Variants in SQLE observed in about 807,000 individuals in gnomAD.
The protein encoded by SQLE is squalene epoxidase.
SQLE carries 29 observed loss-of-function variants against 60.7 expected under a neutral mutation model. The ratio of observed to expected loss-of-function variants is 0.48; its 90% CI spans 0.36 to 0.65. SQLE has a LOEUF of 0.65. Ranked by LOEUF, SQLE falls within the 30% of genes least tolerant of loss-of-function variation. The pLI, the probability that SQLE is intolerant of heterozygous loss-of-function variation, is 0.00. For missense variants in SQLE, 605 were observed against 684.1 expected (o/e 0.88, Z 1.29); for synonymous variants, 237 against 246.8 (o/e 0.96, Z 0.37).
chr8:124,999,809 A>C, intron 1 of SQLE, 115 bp downstream of exon 1: 13 of 1,240,314 alleles, frequency 1.0e-5, no homozygotes, highest in Non-Finnish European at 1.4e-5. Context: ...GCTTGTATAC[A>C]TTCTCATGTA....
chr8:125,003,174 A>T lies in SQLE; in HGVS notation c.292-2A>T. The T allele has an allele frequency of 6.3e-7, 1 of 1,578,984 alleles. No homozygotes were observed. Among genetic ancestry groups the T allele is most frequent in the Admixed American group, 2.0e-5 (1 of 51,018 alleles). On this transcript the variant is annotated splice_acceptor_variant, in intron 1 of 10. Coordinates refer to ENST00000265896, the MANE Select transcript of SQLE (RefSeq NM_003129.4). LOFTEE classifies it high-confidence loss of function. ...CTAGTTTACCTTTTTTTTTTTAAAC[A>T]GCGCAGAAAAGGAACCAATATTTCA...
intron 2 of SQLE, among the ~76,000 whole-genome samples, chr8:125,004,540 T>C (rs1039005596): frequency 2.1e-5 from 3 of 145,418 alleles, no homozygotes; most frequent in African/African-American, 8.5e-5. Flanking sequence ...ATTTTGATGG[T>C]GTCCTGTTGT....
chr8:124,998,518 C>T lies in SQLE; in HGVS notation c.-886C>T, dbSNP rs893599292. The T allele has an allele frequency of 4.6e-6, 3 of 657,084 alleles. No homozygotes were observed. Among genetic ancestry groups the T allele is most frequent in the East Asian group, 6.2e-5 (2 of 32,300 alleles). The allele number at this position is 657,084 out of a possible 1,614,324, so 40.7% of individuals were successfully genotyped here. ...GCCCAGCTGGCTGAGACGCGTGGAG[C>T]CTGGCGGCGAGTGGGGGCGTGCGAC... On this transcript the variant is annotated 5_prime_UTR_variant, in exon 1 of 11. Coordinates refer to ENST00000265896, the MANE Select transcript of SQLE (RefSeq NM_003129.4).
chr8:125,003,469 A>AC, intron 2 of SQLE, 41 bp downstream of exon 2: 1 of 1,599,880 alleles, frequency 6.3e-7, no homozygotes. Flanking sequence ...CGTGGTATGA[A>AC]CAAGCACTCT....
In SQLE at chr8:125,005,544, T is replaced by A; in HGVS notation, c.564T>A (p.Asp188Glu). Residue 188 changes from aspartate to glutamate, a missense_variant, in exon 3 of 11, where the codon GAT becomes GAA. By Grantham distance (45) the Asp-to-Glu change is conservative. Transcript: ENST00000265896. ...TTGCAGATACAGTGGAAGGTCTTGATGCCCAGGTTGTAAATGGTTACATGA... is the reference window on the plus strand; with the variant it reads ...TTGCAGATACAGTGGAAGGTCTTGAAGCCCAGGTTGTAAATGGTTACATGA... ...LGLGDTVEGL[D>E]AQVVNGYMIH... 6.2e-7 allele frequency: 1 copy of A among 1,603,004 alleles called. No individual in the cohort carries two copies. The highest frequency in any genetic ancestry group is 1.3e-5 in the African/African-American group (1 of 74,790).
chr8:124,999,657 CT>C lies in SQLE; in HGVS notation c.255del (p.Glu86AsnfsTer24), dbSNP rs776886200. The C allele has an allele frequency of 3.1e-6, 5 of 1,608,140 alleles. No homozygotes were observed. Among genetic ancestry groups the C allele is most frequent in the Admixed American group, 1.7e-5 (1 of 58,906 alleles). On this transcript the variant is annotated frameshift_variant, in exon 1 of 11. Coordinates refer to ENST00000265896, the MANE Select transcript of SQLE (RefSeq NM_003129.4). LOFTEE classifies it high-confidence loss of function. ...FIGFFWAKSP[P>X]ESENKEQLEA... Reference sequence around the variant, plus strand: ...GGCTTCTTCTGGGCCAAATCCCCCCCTGAATCAGAAAATAAGGAGCAGCTCG... The same window carrying C: ...GGCTTCTTCTGGGCCAAATCCCCCCCGAATCAGAAAATAAGGAGCAGCTCG...
At chr8:125,013,845 C>G (rs1036220030) in intron 7 of SQLE, among the ~76,000 whole-genome samples, 1 of 152,110 alleles carries the variant, frequency 6.6e-6, no homozygotes, top group Admixed American at 6.5e-5. Context: ...TTTTCTTGCC[C>G]TTGTGGTCAA....
intron 1 of SQLE, among the ~76,000 whole-genome samples, chr8:125,002,251 G>A (rs1163209552): frequency 1.3e-5 from 2 of 152,068 alleles, no homozygotes; most frequent in South Asian, 2.1e-4. Context: ...TTGTAATTTT[G>A]TTTATTTAGA....
chr8:124,999,353 C>A lies in SQLE; in HGVS notation c.-51C>A. ...TTTTGGGGAGAACCTTAAACCCACT[C>A]GAGCAGATAATCTCCGCCTTGACCG... On this transcript the variant is annotated 5_prime_UTR_variant, in exon 1 of 11. Coordinates refer to ENST00000265896, the MANE Select transcript of SQLE (RefSeq NM_003129.4). The A allele has an allele frequency of 6.8e-7, 1 of 1,467,696 alleles. No homozygotes were observed. The highest frequency in any genetic ancestry group is 2.6e-5 in the Admixed American group (1 of 38,754). 90.9% of individuals were successfully genotyped at this position (1,467,696 alleles called of 1,614,324 possible).
chr8:125,005,539 C>T lies in SQLE; in HGVS notation c.559C>T (p.Leu187Phe), dbSNP rs758237368. The T allele has an allele frequency of 6.6e-5, 106 of 1,600,430 alleles. No individual in the cohort carries two copies. The highest frequency in any genetic ancestry group is 8.4e-5 in the Non-Finnish European group (98 of 1,171,272). Residue 187 changes from leucine to phenylalanine, a missense_variant, in exon 3 of 11, where the codon CTT becomes TTT. By Grantham distance (22) the Leu-to-Phe change is conservative. Transcript: ENST00000265896. ...TTGCTTTGCAGATACAGTGGAAGGT[C>T]TTGATGCCCAGGTTGTAAATGGTTA... ...DLGLGDTVEG[L>F]DAQVVNGYMI...
chr8:124,999,471 T>G lies in SQLE; in HGVS notation c.68T>G (p.Leu23Trp). The G allele has an allele frequency of 1.3e-6, 2 of 1,569,888 alleles. No homozygotes were observed. The highest frequency in any genetic ancestry group is 1.7e-6 in the Non-Finnish European group (2 of 1,157,704). The change falls in exon 1 of 11, where the codon TTG (leucine) becomes TGG (tryptophan). Residue 23 changes from leucine to tryptophan, a missense_variant. Coordinates refer to ENST00000265896, the MANE Select transcript of SQLE (RefSeq NM_003129.4). ...AAGAAGTTCGGGGACTTCATCACTT[T>G]GGCCAACAGGGAGGTCCTGTTGTGC... ...FYKKFGDFITLANREVLLCVL... is the reference protein window; with the variant it reads ...FYKKFGDFITWANREVLLCVL...
At chr8:125,002,763 TGTAA>T (rs1266207378) in intron 1 of SQLE, among the ~76,000 whole-genome samples, 1 of 152,170 alleles carries the variant, frequency 6.6e-6, no homozygotes, top group Non-Finnish European at 1.5e-5. Flanking sequence ...AATCAGAAGT[TGTAA>T]GTGATTTGCA....
At chr8:125,014,762 G>A (rs544882639) in intron 7 of SQLE, among the ~76,000 whole-genome samples, 4 of 152,212 alleles carry the variant, frequency 2.6e-5, no homozygotes, top group East Asian at 3.9e-4. Flanking sequence ...ATTCCACTGT[G>A]GTCAGAGAAG....
At chr8:125,007,594 T>G (rs2129885061) in intron 4 of SQLE, 107 bp downstream of exon 4, 2 of 636,332 alleles carry the variant, frequency 3.1e-6, no homozygotes, top group South Asian at 5.0e-5. Flanking sequence ...TGAGTATCTC[T>G]TATCTGAAAT....
intron 7 of SQLE, among the ~76,000 whole-genome samples, chr8:125,013,412 G>A (rs1007699397): frequency 1.8e-4 from 26 of 145,090 alleles, no homozygotes; most frequent in Admixed American, 4.3e-4. Context: ...GAGTGCGATG[G>A]TGCGATCTCG....
intron 3 of SQLE, 118 bp from the exon 4 acceptor site, chr8:125,007,273 G>A (rs4870932): frequency 0.29 from 159,276 of 550,820 alleles, 25,312 homozygotes; most frequent in African/African-American, 0.47. Context: ...CATTGGACAC[G>A]TGTTTGCACA....
chr8:124,999,030 G>T lies in SQLE; in HGVS notation c.-374G>T. On this transcript the variant is annotated 5_prime_UTR_variant, in exon 1 of 11. Transcript: ENST00000265896. ...GCTCTTGGTGAGAAAAGAAATTATAGCACGAAGAGCCAGTATCAGAAGAGT... is the reference window on the plus strand; with the variant it reads ...GCTCTTGGTGAGAAAAGAAATTATATCACGAAGAGCCAGTATCAGAAGAGT... 1 of 272,374 alleles carries T rather than the reference G, an allele frequency of 3.7e-6. No homozygotes were observed. The allele number at this position is 272,374 out of a possible 1,614,324, so 16.9% of individuals were successfully genotyped here.
Position 124,999,687 on chromosome 8 carries a change from C to A in SQLE, c.284C>A (p.Ala95Asp). The change falls in exon 1 of 11, where the codon GCC becomes GAC. Residue 95 changes from alanine (A) to aspartate (D), a missense_variant. Coordinates refer to ENST00000265896, the MANE Select transcript of SQLE (RefSeq NM_003129.4). ...TCAGAAAATAAGGAGCAGCTCGAGG[C>A]CAGGAGGGTAGGTTGATTTCAAAGC... ...PESENKEQLE[A>D]RRRRKGTNIS... 2 of 1,587,986 alleles carry A rather than the reference C, an allele frequency of 1.3e-6. No individual in the cohort carries two copies. Among genetic ancestry groups the A allele is most frequent in the South Asian group, 1.1e-5 (1 of 87,624 alleles).
At chr8:125,004,966 T>C (rs1343645693) in intron 2 of SQLE, among the ~76,000 whole-genome samples, 2 of 152,188 alleles carry the variant, frequency 1.3e-5, no homozygotes, top group African/African-American at 4.8e-5. Flanking sequence ...AAAAAGTTCT[T>C]TGCAGTTTGT....
Sources: allele counts gnomAD v4.1 joint callset (sites outside exome capture counted in the v4.1 genomes callset), GRCh38; gene constraint gnomAD v4.1.1; transcripts MANE v1.5; gene names NCBI Gene and HGNC (gene_info 2026-07-23, HGNC 2026-07-21).